The following FHIT variants were observed in gnomAD, a reference collection of about 807,000 sequenced individuals.
FHIT encodes the protein bis(5'-adenosyl)-triphosphatase.
FHIT carries 19 observed loss-of-function variants against 17.9 expected under a neutral mutation model. That is an observed-to-expected ratio of 1.06 (90% CI 0.74 to 1.56). FHIT has a LOEUF of 1.56. Among genes scored for constraint, FHIT ranks in the 40% most tolerant of loss-of-function variants. FHIT has a pLI of 0.00. For synonymous variants in FHIT, 81 were observed against 69.7 expected (o/e 1.16, Z -0.81); for missense variants, 248 against 189.2 (o/e 1.31, Z -1.82).
intron 4 of FHIT, among the ~76,000 whole-genome samples, chr3:60,647,122 T>A (rs2107800573): frequency 6.6e-6 from 1 of 152,302 alleles, no homozygotes; most frequent in Middle Eastern, 3.4e-3. Flanking sequence ...AATATACCTT[T>A]AGCAATGAAC....
chr3:61,064,657 G>C (rs1382500334), intron 2 of FHIT, among the ~76,000 whole-genome samples: 1 of 152,068 alleles, frequency 6.6e-6, no homozygotes, highest in Non-Finnish European at 1.5e-5. Flanking sequence ...AACTAGATGT[G>C]AGATAAGGCT....
At chr3:60,554,515 C>T (rs1358105936) in intron 4 of FHIT, among the ~76,000 whole-genome samples, 2 of 152,152 alleles carry the variant, frequency 1.3e-5, no homozygotes, top group African/African-American at 4.8e-5. Context: ...GACATCAACT[C>T]AGAAATAATG....
chr3:61,080,306 G>C (rs2035096183), intron 2 of FHIT, among the ~76,000 whole-genome samples: 1 of 152,160 alleles, frequency 6.6e-6, no homozygotes, highest in African/African-American at 2.4e-5. Context: ...TGTTTTCTGA[G>C]CCTACTCCAG....
intron 5 of FHIT, among the ~76,000 whole-genome samples, chr3:60,521,632 C>G (rs757014807): frequency 2.0e-4 from 31 of 152,156 alleles, no homozygotes; most frequent in Non-Finnish European, 3.2e-4. Flanking sequence ...TTAATTCTCT[C>G]ACAAGAGCCC....
chr3:60,371,628 A>C (rs765371547), intron 5 of FHIT, among the ~76,000 whole-genome samples: 12 of 152,144 alleles, frequency 7.9e-5, no homozygotes, highest in Non-Finnish European at 1.8e-4. Context: ...CTAACATTAG[A>C]GTTATCATTC....
chr3:59,773,808 A>G (rs1459392112), intron 8 of FHIT, among the ~76,000 whole-genome samples: 1 of 152,158 alleles, frequency 6.6e-6, no homozygotes, highest in Non-Finnish European at 1.5e-5. Context: ...TGCCTCGCCC[A>G]GGACCTTAGC....
intron 1 of FHIT, among the ~76,000 whole-genome samples, chr3:61,212,842 G>A (rs2039529756): frequency 1.3e-5 from 2 of 152,156 alleles, no homozygotes; most frequent in South Asian, 2.1e-4. Flanking sequence ...AGTGGAGGAG[G>A]CCCATATTCA....
intron 5 of FHIT, among the ~76,000 whole-genome samples, chr3:60,301,748 C>T (rs1208886148): frequency 6.6e-6 from 1 of 152,096 alleles, no homozygotes; most frequent in Admixed American, 6.6e-5. Context: ...CTAATTTTAA[C>T]AGTTACTAAT....
intron 5 of FHIT, among the ~76,000 whole-genome samples, chr3:60,260,232 T>G (rs1444360560): frequency 6.6e-6 from 1 of 151,894 alleles, no homozygotes; most frequent in African/African-American, 2.4e-5. Flanking sequence ...GGTTCACACT[T>G]CAGGGTGTAC....
intron 7 of FHIT, among the ~76,000 whole-genome samples, chr3:59,982,865 C>G (rs1708715040): frequency 6.6e-6 from 1 of 152,146 alleles, no homozygotes; most frequent in African/African-American, 2.4e-5. Context: ...GGCATAATTA[C>G]TAAATCCAAA....
chr3:59,753,822 G>C (rs1055017714), intron 8 of FHIT, among the ~76,000 whole-genome samples: 2 of 152,160 alleles, frequency 1.3e-5, no homozygotes, highest in African/African-American at 4.8e-5. Flanking sequence ...CACCCAGCTA[G>C]GTAGTGGGGT....
chr3:61,126,860 G>C (rs2036621976), intron 2 of FHIT, among the ~76,000 whole-genome samples: 1 of 152,012 alleles, frequency 6.6e-6, no homozygotes, highest in Non-Finnish European at 1.5e-5. Flanking sequence ...GAAGATGAGA[G>C]AGCAAGCCCT....
Position 61,130,196 on chromosome 3 carries a change from T to C in FHIT, c.-164+70421A>G, listed in dbSNP as rs188998633. Among the ~76,000 whole-genome samples the C allele has an allele frequency of 1.4e-3, 210 of 152,270 alleles. 1 individual carries two copies. The highest frequency in any genetic ancestry group is 4.9e-3 in the African/African-American group (203 of 41,572). ...ATAAAAAAGGTCTGAATAAATGCTA[T>C]AGGAGGTCCAAGAAAAAGAAACGTC... On this transcript the variant is annotated intron_variant, in intron 2 of 9. Coordinates refer to ENST00000492590, the MANE Select transcript of FHIT (RefSeq NM_002012.4).
chr3:60,520,918 G>A (rs1243612958), intron 5 of FHIT, among the ~76,000 whole-genome samples: 3 of 151,934 alleles, frequency 2.0e-5, no homozygotes, highest in African/African-American at 4.8e-5. Context: ...ATAAAGGTGA[G>A]TTTGTTTGGT....
intron 3 of FHIT, among the ~76,000 whole-genome samples, chr3:60,824,194 C>T (rs556426164): frequency 2.0e-4 from 31 of 152,272 alleles, no homozygotes; most frequent in Middle Eastern, 3.4e-3. Flanking sequence ...TTAGGAGGCT[C>T]CTGCAGTTAT....
intron 2 of FHIT, among the ~76,000 whole-genome samples, chr3:61,186,128 T>C (rs2038501044): frequency 6.6e-6 from 1 of 152,228 alleles, no homozygotes; most frequent in South Asian, 2.1e-4. Context: ...CAATGCCCTG[T>C]AGCGGGTATA....
intron 5 of FHIT, among the ~76,000 whole-genome samples, chr3:60,509,318 C>A (rs909995063): frequency 5.3e-5 from 8 of 152,176 alleles, no homozygotes; most frequent in African/African-American, 1.9e-4. Context: ...CCTGTTTGTG[C>A]TTAGCTTTCA....
chr3:59,866,843 C>G, intron 8 of FHIT, among the ~76,000 whole-genome samples: 1 of 152,142 alleles, frequency 6.6e-6, no homozygotes, highest in East Asian at 1.9e-4. Context: ...GGGTTTGCCA[C>G]TGTCTCTCAC....
intron 7 of FHIT, among the ~76,000 whole-genome samples, chr3:59,962,214 T>C (rs1216134374): frequency 6.6e-6 from 1 of 152,204 alleles, no homozygotes; most frequent in African/African-American, 2.4e-5. Flanking sequence ...AGAGAGCTTA[T>C]AAGGAATACT....
Sources: gnomAD v4.1 joint callset for allele counts (sites outside exome capture counted in the v4.1 genomes callset) on GRCh38, gnomAD v4.1.1 for gene constraint, MANE v1.5 for transcripts, NCBI Gene and HGNC (gene_info 2026-07-23, HGNC 2026-07-21) for gene names.